The following MYO16 variants were observed in gnomAD, a reference collection of about 807,000 sequenced individuals.
The protein encoded by MYO16 is unconventional myosin-XVI.
MYO16 carries 94 observed loss-of-function variants against 205.3 expected under a neutral mutation model. The observed-to-expected ratio is 0.46, with a 90% CI of 0.39 to 0.54. The LOEUF (loss-of-function observed/expected upper bound fraction) is 0.54. Ranked by LOEUF, MYO16 falls within the 20% of genes least tolerant of loss-of-function variation. The pLI, the probability that MYO16 is intolerant of heterozygous loss-of-function variation, is 0.00. For synonymous variants in MYO16, 988 were observed against 954.0 expected, an observed-to-expected ratio of 1.04 and a Z score of -0.66; for missense variants, 2,315 against 2,387.5, an observed-to-expected ratio of 0.97 and a Z score of 0.63.
chr13:108,595,820 G>A (rs1878536106), upstream of MYO16, among the ~76,000 whole-genome samples: 1 of 149,184 alleles, frequency 6.7e-6, no homozygotes. Flanking sequence ...TACTTTGAGT[G>A]GTTTTACAGA....
At chr13:109,086,537 TG>T (rs1888439725) in intron 27 of MYO16, among the ~76,000 whole-genome samples, 2 of 152,232 alleles carry the variant, frequency 1.3e-5, no homozygotes. Context: ...TTTTGAATTT[TG>T]ATCTTCATTA....
chr13:108,975,222 G>A (rs1051191518), intron 20 of MYO16, among the ~76,000 whole-genome samples: 12 of 151,404 alleles, frequency 7.9e-5, no homozygotes, highest in East Asian at 1.9e-4. Context: ...CCACTATTGC[G>A]GTCTTCAGGG....
At chr13:108,505,976 A>G in the MYO16 span, among the ~76,000 whole-genome samples, 485 of 152,226 alleles carry the variant, frequency 3.2e-3, 3 homozygotes, top group African/African-American at 0.011. Context: ...AACTTTATAC[A>G]CAAGAATTTA....
intron 3 of MYO16, among the ~76,000 whole-genome samples, chr13:108,720,937 T>A (rs1413193295): frequency 6.6e-6 from 1 of 152,138 alleles, no homozygotes; most frequent in Non-Finnish European, 1.5e-5. Context: ...TCATGATATG[T>A]TCATTAGCCA....
At chr13:108,962,516 C>A in intron 19 of MYO16, 21 bp downstream of exon 19, 1 of 1,466,952 alleles carries the variant, frequency 6.8e-7, no homozygotes, top group Non-Finnish European at 9.4e-7. Context: ...TATGCTCTAA[C>A]ATCTTTGTGC....
chr13:108,723,546 C>T (rs1161715111), intron 3 of MYO16, among the ~76,000 whole-genome samples: 1 of 151,954 alleles, frequency 6.6e-6, no homozygotes, highest in Non-Finnish European at 1.5e-5. Flanking sequence ...CATGTGTGTA[C>T]CCAATTGTTT....
chr13:108,843,171 G>C (rs1165730586), intron 9 of MYO16, among the ~76,000 whole-genome samples: 1 of 151,838 alleles, frequency 6.6e-6, no homozygotes, highest in African/African-American at 2.4e-5. Flanking sequence ...TGGAGATCTA[G>C]TGTGACATGT....
chr13:108,502,084 G>C, the MYO16 span, among the ~76,000 whole-genome samples: 2 of 152,106 alleles, frequency 1.3e-5, no homozygotes, highest in Non-Finnish European at 2.9e-5. Context: ...GTGGTGGCAC[G>C]TGTCTGTAGT....
rs574857741 is a variant in MYO16, at chr13:109,024,914, A to T, written c.2796+5003A>T. ...TTTGAGCTACTGCAGTTTCAAAAAA[A>T]GCAGCAACACATTCTGAATTTTATA... On this transcript the variant is annotated intron_variant, in intron 23 of 34. Transcript: ENST00000457511. Among the ~76,000 whole-genome samples, 88 of 152,330 alleles carry T rather than the reference A, an allele frequency of 5.8e-4. 2 individuals carry two copies. In the South Asian group the frequency reaches 0.018, roughly 31 times the overall value.
intron 33 of MYO16, among the ~76,000 whole-genome samples, chr13:109,168,353 G>C (rs1878778043): frequency 6.6e-6 from 1 of 151,952 alleles, no homozygotes; most frequent in Non-Finnish European, 1.5e-5. Flanking sequence ...AAATGTAAAG[G>C]GATAGAAAAG....
At chr13:108,943,227 A>G (rs1233607922) in intron 16 of MYO16, among the ~76,000 whole-genome samples, 1 of 152,230 alleles carries the variant, frequency 6.6e-6, no homozygotes, top group Non-Finnish European at 1.5e-5. Context: ...TTGGTGGTTG[A>G]TAAACTGGTG....
chr13:108,859,742 T>C (rs1277600279), intron 11 of MYO16, among the ~76,000 whole-genome samples: 1 of 152,116 alleles, frequency 6.6e-6, no homozygotes, highest in African/African-American at 2.4e-5. Flanking sequence ...CAAATTCCTT[T>C]ATGGACAGCA....
At chr13:108,823,470 A>T (rs1876093062) in intron 9 of MYO16, among the ~76,000 whole-genome samples, 192 bp downstream of exon 9, 1 of 152,166 alleles carries the variant, frequency 6.6e-6, no homozygotes, top group African/African-American at 2.4e-5. Flanking sequence ...CTCTGATTTA[A>T]AAACAATCTT....
At chr13:108,993,100 A>T (rs1884890220) in intron 21 of MYO16, among the ~76,000 whole-genome samples, 1 of 152,188 alleles carries the variant, frequency 6.6e-6, no homozygotes, top group Admixed American at 6.6e-5. Flanking sequence ...AACATGAAAA[A>T]ATAGAAAACC....
Position 109,055,780 on chromosome 13 carries a change from T to C in MYO16, c.3335+185T>C. ...ATGAAATACACTGACAAAGCTCACATAAAAAATAATTAAACTGTACTGAGG... is the reference window on the plus strand; with the variant it reads ...ATGAAATACACTGACAAAGCTCACACAAAAAATAATTAAACTGTACTGAGG... On this transcript the variant is annotated intron_variant, in intron 27 of 34. Transcript: ENST00000457511. This position sits in a 1 kb window ranked among gnomAD's most constrained non-coding sequence, Gnocchi z 5.0. The C allele has an allele frequency of 3.5e-6, 2 of 578,000 alleles. No individual in the cohort carries two copies. Among genetic ancestry groups the C allele is most frequent in the South Asian group, 4.4e-5 (2 of 45,850 alleles). 35.8% of individuals were successfully genotyped at this position (578,000 alleles called of 1,614,324 possible).
intron 27 of MYO16, among the ~76,000 whole-genome samples, chr13:109,061,458 G>A (rs114063695): frequency 0.012 from 1,840 of 152,084 alleles, 37 homozygotes; most frequent in African/African-American, 0.043. Context: ...TAAAAACTTC[G>A]TGACCATTGC....
intron 27 of MYO16, among the ~76,000 whole-genome samples, chr13:109,084,249 G>A (rs1188864709): frequency 6.6e-6 from 1 of 152,142 alleles, no homozygotes; most frequent in African/African-American, 2.4e-5. Context: ...GCCTAGAGAA[G>A]CAATGATAGC....
chr13:109,093,789 A>G (rs1333148242), intron 27 of MYO16, among the ~76,000 whole-genome samples: 2 of 152,080 alleles, frequency 1.3e-5, no homozygotes, highest in African/African-American at 4.8e-5. Flanking sequence ...CCTGGACTAT[A>G]GGAAGGTCCT....
At chr13:109,204,667 C>T (rs887373444) in intron 34 of MYO16, among the ~76,000 whole-genome samples, 3 of 152,162 alleles carry the variant, frequency 2.0e-5, no homozygotes, top group Non-Finnish European at 4.4e-5. Flanking sequence ...GTCCTTAGCC[C>T]ACTTTGAAAG....
Sources: gnomAD v4.1 joint callset for allele counts (sites outside exome capture counted in the v4.1 genomes callset) on GRCh38, gnomAD v4.1.1 for gene constraint, Gnocchi (gnomAD v3.1) non-coding constraint, MANE v1.5 for transcripts, NCBI Gene and HGNC (gene_info 2026-07-23, HGNC 2026-07-21) for gene names.